The following EEF1AKMT2 variants were observed in gnomAD, a reference collection of about 807,000 sequenced individuals.
EEF1AKMT2 encodes EEF1A lysine methyltransferase 2.
Under a neutral mutation model 35.8 loss-of-function variants are expected in EEF1AKMT2, and 32 were observed. That is an observed-to-expected ratio of 0.89 (90% CI 0.67 to 1.20). The LOEUF (loss-of-function observed/expected upper bound fraction) is 1.20, where lower values mean the gene tolerates loss of function less well. Among genes scored for constraint, EEF1AKMT2 ranks in the 50% most tolerant of loss-of-function variants. EEF1AKMT2 has a pLI of 0.00. For missense variants in EEF1AKMT2, 330 were observed against 347.5 expected (o/e 0.95, Z 0.40); for synonymous variants, 121 against 133.7 (o/e 0.91, Z 0.65).
At chr10:124,763,559 T>C (rs568113358) in intron 5 of EEF1AKMT2, among the ~76,000 whole-genome samples, 83 of 152,332 alleles carry the variant, frequency 5.4e-4, no homozygotes, top group African/African-American at 1.8e-3. Flanking sequence ...TTCAATTGTA[T>C]ATAATTATTT....
intron 4 of EEF1AKMT2, among the ~76,000 whole-genome samples, chr10:124,771,162 A>AT (rs1950430708): frequency 1.3e-5 from 2 of 151,196 alleles, no homozygotes; most frequent in Non-Finnish European, 2.9e-5. Context: ...TGCAGCGGCT[A>AT]GATCTCAGCT....
rs1950303623 is a variant in EEF1AKMT2, at chr10:124,758,408, T to G, written c.*2095A>C. On this transcript the variant is annotated 3_prime_UTR_variant, in exon 7 of 7. Coordinates refer to ENST00000368836, the MANE Select transcript of EEF1AKMT2 (RefSeq NM_212554.4). ...GCATTTTTGGACCTTCCATTTGTTCTGGTTTTAGTCCCTAAGAAGCTAGCT... is the reference window on the plus strand; with the variant it reads ...GCATTTTTGGACCTTCCATTTGTTCGGGTTTTAGTCCCTAAGAAGCTAGCT... 1 of 152,078 alleles carries G rather than the reference T, an allele frequency of 6.6e-6. No homozygotes were observed. Among genetic ancestry groups the G allele is most frequent in the Admixed American group, 6.5e-5 (1 of 15,276 alleles). 9.4% of individuals were successfully genotyped at this position (152,078 alleles called of 1,614,324 possible). A position where few individuals can be genotyped will look rare whatever the true frequency, so the allele number is the denominator to read the frequency against.
At chr10:124,780,301 A>C (rs1316417747) in intron 3 of EEF1AKMT2, among the ~76,000 whole-genome samples, 1 of 152,254 alleles carries the variant, frequency 6.6e-6, no homozygotes, top group Non-Finnish European at 1.5e-5. Flanking sequence ...CAACGTACAG[A>C]CAACACGAGG....
chr10:124,771,819 A>C (rs1383358111), intron 4 of EEF1AKMT2, among the ~76,000 whole-genome samples: 1 of 152,184 alleles, frequency 6.6e-6, no homozygotes, highest in Non-Finnish European at 1.5e-5. Context: ...CAGTGAGCTG[A>C]GATCGAGTCA....
At position 124,760,405 on chromosome 10, in the gene EEF1AKMT2, A is replaced by C; in HGVS notation, c.*98T>G. The C allele has an allele frequency of 6.2e-7, 1 of 1,606,330 alleles. No homozygotes were observed. The highest frequency in any genetic ancestry group is 8.5e-7 in the Non-Finnish European group (1 of 1,173,498). On this transcript the variant is annotated 3_prime_UTR_variant, in exon 7 of 7. Coordinates refer to ENST00000368836, the MANE Select transcript of EEF1AKMT2 (RefSeq NM_212554.4). ...AGCTACCTGAATTCGTCCAAGAAAA[A>C]GTCTCACATTTTTTGGAAAACCAAT...
chr10:124,791,582 C>T (rs1950634976), intron 1 of EEF1AKMT2, 142 bp downstream of exon 1: 3 of 1,227,582 alleles, frequency 2.4e-6, no homozygotes, highest in Non-Finnish European at 3.4e-6. Flanking sequence ...TCCCCGTAAG[C>T]CCCCCGCCAG....
chr10:124,780,265 C>A (rs995448165), intron 3 of EEF1AKMT2, among the ~76,000 whole-genome samples: 4 of 152,160 alleles, frequency 2.6e-5, no homozygotes, highest in Admixed American at 1.3e-4. Context: ...CTGTGGTTTG[C>A]TGACCCTTAA....
At position 124,760,321 on chromosome 10, in the gene EEF1AKMT2, G is replaced by A; in HGVS notation, c.*182C>T. ...CATGTGCATCCTGTGTACTTACTAA[G>A]CATTTATTTGCACAAGGATTTTCTG... is the stretch of plus-strand genomic sequence containing the variant. On this transcript the variant is annotated 3_prime_UTR_variant, in exon 7 of 7. Coordinates refer to ENST00000368836, the MANE Select transcript of EEF1AKMT2 (RefSeq NM_212554.4). 1.2e-6 allele frequency: 1 copy of A among 801,328 alleles called. No individual in the cohort carries two copies. The allele number at this position is 801,328 out of a possible 1,614,324, so 49.6% of individuals were successfully genotyped here.
rs1950300459 is a variant in EEF1AKMT2 at position 124,758,061 on chromosome 10, A to C, written c.*2442T>G. On this transcript the variant is annotated 3_prime_UTR_variant, in exon 7 of 7. Coordinates refer to ENST00000368836, the MANE Select transcript of EEF1AKMT2 (RefSeq NM_212554.4). ...ACACAGAAGTGGCCTGTTATGCAGC[A>C]ATAATCATAGTGAAAAGCAGCAATT... 6.6e-6 allele frequency: 1 copy of C among 152,232 alleles called. No homozygotes were observed. The highest frequency in any genetic ancestry group is 1.5e-5 in the Non-Finnish European group (1 of 68,036). The allele number at this position is 152,232 out of a possible 1,614,324, so 9.4% of individuals were successfully genotyped here.
At position 124,759,772 on chromosome 10, in the gene EEF1AKMT2, C is replaced by T. The variant is rs1257805592; in HGVS notation, c.*731G>A. On this transcript the variant is annotated 3_prime_UTR_variant, in exon 7 of 7. Coordinates refer to ENST00000368836, the MANE Select transcript of EEF1AKMT2 (RefSeq NM_212554.4). Reference sequence around the variant, plus strand: ...CATAGCGCTAGCAAATAATAACATTCCTTAGTTCTCTTTCCTTCTACTACC... The same window carrying T: ...CATAGCGCTAGCAAATAATAACATTTCTTAGTTCTCTTTCCTTCTACTACC... 1.3e-5 allele frequency: 2 copies of T among 152,190 alleles called. No individual in the cohort carries two copies. Among genetic ancestry groups the T allele is most frequent in the Admixed American group, 6.5e-5 (1 of 15,278 alleles). 9.4% of individuals were successfully genotyped at this position (152,190 alleles called of 1,614,324 possible).
intron 2 of EEF1AKMT2, among the ~76,000 whole-genome samples, chr10:124,789,640 A>G (rs1950617069): frequency 6.6e-6 from 1 of 151,926 alleles, no homozygotes; most frequent in African/African-American, 2.4e-5. Context: ...CTATAGTCCC[A>G]GCTACCCAGG....
In EEF1AKMT2 at chr10:124,759,925, T is replaced by A. The variant is rs1199673471; in HGVS notation, c.*578A>T. The stretch of plus-strand genomic sequence containing the variant: ...GGCCTTTTCACAGGTATTAATTAAG[T>A]TTAAAAATAACCGCCATCCAACACA... On this transcript the variant is annotated 3_prime_UTR_variant, in exon 7 of 7. Coordinates refer to ENST00000368836, the MANE Select transcript of EEF1AKMT2 (RefSeq NM_212554.4). 6.5e-6 allele frequency: 1 copy of A among 153,102 alleles called. No individual in the cohort carries two copies. Among genetic ancestry groups the A allele is most frequent in the Non-Finnish European group, 1.5e-5 (1 of 68,690 alleles). 9.5% of individuals were successfully genotyped at this position (153,102 alleles called of 1,614,324 possible).
intron 3 of EEF1AKMT2, among the ~76,000 whole-genome samples, chr10:124,778,028 C>T (rs1314891013): frequency 6.6e-6 from 1 of 152,028 alleles, no homozygotes; most frequent in Non-Finnish European, 1.5e-5. Context: ...CCCATCTCTA[C>T]TAAACACACA....
intron 4 of EEF1AKMT2, among the ~76,000 whole-genome samples, chr10:124,773,583 A>G (rs1277303307): frequency 6.6e-6 from 1 of 152,140 alleles, no homozygotes; most frequent in Non-Finnish European, 1.5e-5. Flanking sequence ...TGTCCCAAGA[A>G]AGAAGGAGGC....
intron 3 of EEF1AKMT2, among the ~76,000 whole-genome samples, chr10:124,780,634 C>T (rs1282727649): frequency 6.6e-6 from 1 of 151,690 alleles, no homozygotes; most frequent in Non-Finnish European, 1.5e-5. Context: ...ATTGACATTT[C>T]ATGTGTATAG....
At chr10:124,781,435 C>T (rs372361774) in intron 3 of EEF1AKMT2, among the ~76,000 whole-genome samples, 3 of 151,276 alleles carry the variant, frequency 2.0e-5, no homozygotes, top group South Asian at 2.1e-4. Flanking sequence ...AAAAAGTAGC[C>T]GGGTGTGGTG....
intron 4 of EEF1AKMT2, among the ~76,000 whole-genome samples, chr10:124,772,979 T>A (rs1412984727): frequency 6.6e-6 from 1 of 152,250 alleles, no homozygotes; most frequent in African/African-American, 2.4e-5. Context: ...ATACCACTTT[T>A]AATTTCCTTA....
intron 3 of EEF1AKMT2, among the ~76,000 whole-genome samples, chr10:124,781,157 G>C (rs574827806): frequency 2.0e-5 from 3 of 151,942 alleles, no homozygotes; most frequent in Non-Finnish European, 4.4e-5. Context: ...TGTTGGCCAG[G>C]ATGGTCTCGA....
chr10:124,756,744 G>A (rs1223385323), downstream of EEF1AKMT2, among the ~76,000 whole-genome samples: 4 of 152,138 alleles, frequency 2.6e-5, no homozygotes, highest in South Asian at 2.1e-4. Flanking sequence ...GAGTTCCATT[G>A]TAGAGCTGGT....
Sources: gnomAD v4.1 joint callset for allele counts (sites outside exome capture counted in the v4.1 genomes callset) on GRCh38, gnomAD v4.1.1 for gene constraint, MANE v1.5 for transcripts, NCBI Gene and HGNC (gene_info 2026-07-23, HGNC 2026-07-21) for gene names.